Variants in PRKAG2 observed in about 807,000 individuals in gnomAD.
The protein encoded by PRKAG2 is protein kinase AMP-activated non-catalytic subunit gamma 2.
In PRKAG2, 26 loss-of-function variants were observed where a neutral mutation model predicts 69.6. The observed-to-expected ratio is 0.37, with a 90% CI of 0.27 to 0.52. The LOEUF is 0.52. Ranked by LOEUF, PRKAG2 falls within the 20% of genes least tolerant of loss-of-function variation. The probability of loss-of-function intolerance (pLI) is 0.90; values close to 1 mark genes in which losing one functional copy is unlikely to be tolerated. For missense variants in PRKAG2, 557 were observed against 740.0 expected (o/e 0.75, Z 2.87); for synonymous variants, 293 against 285.0 (o/e 1.03, Z -0.28).
At chr7:151,718,613 A>C (rs1346884930) in intron 3 of PRKAG2, among the ~76,000 whole-genome samples, 1 of 85,248 alleles carries the variant, frequency 1.2e-5, no homozygotes, top group Non-Finnish European at 2.0e-5. Flanking sequence ...CCCAGGATGC[A>C]AAAAAAAAAA....
At chr7:151,615,848 A>T (rs1430987775) in intron 5 of PRKAG2, among the ~76,000 whole-genome samples, 1 of 152,258 alleles carries the variant, frequency 6.6e-6, no homozygotes, top group African/African-American at 2.4e-5. Flanking sequence ...AGAAATGCAA[A>T]TCAAAACCCT....
In PRKAG2 at chr7:151,672,848, C is replaced by T. The variant is rs117826889; in HGVS notation, c.684+2572G>A. On this transcript the variant is annotated intron_variant, in intron 4 of 15. Coordinates refer to ENST00000287878, the MANE Select transcript of PRKAG2 (RefSeq NM_016203.4). ...CCAGCCGCGTGCTGGGCACAGGGCACGTGCTCTGGGTCAGCTGCTGAGTAT... is the reference window on the plus strand; with the variant it reads ...CCAGCCGCGTGCTGGGCACAGGGCATGTGCTCTGGGTCAGCTGCTGAGTAT... 3.6e-3 allele frequency among the ~76,000 whole-genome samples: 542 copies of T among 152,222 alleles called. 4 individuals are homozygous for T. The highest frequency in any genetic ancestry group is 6.8e-3 in the Middle Eastern group (2 of 294).
At chr7:151,742,056 G>C (rs1053876555) in intron 3 of PRKAG2, among the ~76,000 whole-genome samples, 1 of 152,212 alleles carries the variant, frequency 6.6e-6, no homozygotes, top group African/African-American at 2.4e-5. Context: ...TTGAATAACT[G>C]AGGGTCAGAG....
intron 3 of PRKAG2, among the ~76,000 whole-genome samples, chr7:151,735,350 A>G (rs796498041): frequency 2.4e-4 from 36 of 152,236 alleles, no homozygotes; most frequent in African/African-American, 7.9e-4. Context: ...CCCTGACCCC[A>G]TCCTCCTGTA....
chr7:151,810,789 G>A (rs2078377979), intron 1 of PRKAG2: 2 of 153,756 alleles, frequency 1.3e-5, no homozygotes, highest in Non-Finnish European at 2.9e-5. Flanking sequence ...CACATACCTT[G>A]CCCACAAAAT....
intron 1 of PRKAG2, among the ~76,000 whole-genome samples, chr7:151,830,116 T>C (rs1362917482): frequency 1.6e-5 from 2 of 123,774 alleles, no homozygotes; most frequent in East Asian, 4.1e-4. Flanking sequence ...CTGTTCCACC[T>C]GGTTTTTTTT....
In PRKAG2 at chr7:151,854,773, G is replaced by A. The variant is rs117180599; in HGVS notation, c.114+21734C>T. ...GCGCCTCCTGTGATTCTCACACAAC[G>A]GCCTCAAGAAGGGAGGCAGCGGGGG... On this transcript the variant is annotated intron_variant, in intron 1 of 15. Transcript: ENST00000287878. Among the ~76,000 whole-genome samples, 727 of 152,218 alleles carry A rather than the reference G, an allele frequency of 4.8e-3. 6 individuals are homozygous for A. The highest frequency in any genetic ancestry group is 7.3e-3 in the Non-Finnish European group (495 of 68,008).
At chr7:151,823,078 C>G (rs1360901095) in intron 1 of PRKAG2, among the ~76,000 whole-genome samples, 1 of 147,014 alleles carries the variant, frequency 6.8e-6, no homozygotes, top group Non-Finnish European at 1.5e-5. Flanking sequence ...GCAGAACCTG[C>G]TCCCTGACCC....
At chr7:151,565,453 T>C (rs1285715138) in intron 12 of PRKAG2, 70 bp from the exon 13 acceptor site, 2 of 1,129,732 alleles carry the variant, frequency 1.8e-6, no homozygotes, top group Non-Finnish European at 2.5e-6. Flanking sequence ...AAATCAGTTT[T>C]AATGACATAA....
At position 151,755,419 on chromosome 7, in the gene PRKAG2, C is replaced by T. The variant is rs1213381128; in HGVS notation, c.466+25733G>A. Among the ~76,000 whole-genome samples, 5 of 152,138 alleles carry T rather than the reference C, an allele frequency of 3.3e-5. No homozygotes were observed. In the East Asian group the frequency reaches 9.7e-4, roughly 29 times the overall value. ...GAGGAAGACAGGGGGTGGGTGTGCA[C>T]AAGACACAGTCAGAGCCAGCCCAGG... On this transcript the variant is annotated intron_variant, in intron 3 of 15. Coordinates refer to ENST00000287878, the MANE Select transcript of PRKAG2 (RefSeq NM_016203.4).
intron 4 of PRKAG2, among the ~76,000 whole-genome samples, chr7:151,656,331 G>A (rs991173650): frequency 7.9e-5 from 12 of 152,182 alleles, no homozygotes; most frequent in African/African-American, 2.7e-4. Flanking sequence ...GAGGTTGGGC[G>A]AATCACCTGA....
chr7:151,855,147 CA>C (rs2079699179), intron 1 of PRKAG2, among the ~76,000 whole-genome samples: 2 of 69,992 alleles, frequency 2.9e-5, no homozygotes, highest in African/African-American at 1.4e-4. Context: ...CACCACCCTA[CA>C]CACACACCAT....
At chr7:151,830,454 C>A (rs1427127258) in intron 1 of PRKAG2, among the ~76,000 whole-genome samples, 16 of 151,924 alleles carry the variant, frequency 1.1e-4, no homozygotes, top group Admixed American at 1.0e-3. Context: ...GGGGTCTGAG[C>A]AGGCTGCACC....
chr7:151,569,725 G>A (rs868463639), intron 10 of PRKAG2, among the ~76,000 whole-genome samples: 1 of 152,176 alleles, frequency 6.6e-6, no homozygotes, highest in African/African-American at 2.4e-5. Flanking sequence ...AAAAAAGGAC[G>A]GGCCAGACGA....
intron 6 of PRKAG2, 103 bp from the exon 7 acceptor site, chr7:151,576,555 C>T (rs1311921990): frequency 3.0e-6 from 3 of 1,006,912 alleles, no homozygotes; most frequent in Non-Finnish European, 4.5e-6. Flanking sequence ...GGCTGGAGTG[C>T]AGTGGCACCA....
In PRKAG2 at chr7:151,807,538, C is replaced by T; in HGVS notation, c.115-20997G>A. On this transcript the variant is annotated intron_variant, in intron 1 of 15. Coordinates refer to ENST00000287878, the MANE Select transcript of PRKAG2 (RefSeq NM_016203.4). This position sits in a 1 kb window ranked among gnomAD's most constrained non-coding sequence, Gnocchi z 4.4. ...CTTCCCAACCTACGAGCTGAAATGG[C>T]CAGCACTGCGCCTTCCAGAACCCAG... 1 of 457,866 alleles carries T rather than the reference C, an allele frequency of 2.2e-6. No individual in the cohort carries two copies. Among genetic ancestry groups the T allele is most frequent in the South Asian group, 1.5e-5 (1 of 64,568 alleles). The allele number at this position is 457,866 out of a possible 1,614,324, so 28.4% of individuals were successfully genotyped here.
At chr7:151,757,289 G>A (rs2075153202) in intron 3 of PRKAG2, among the ~76,000 whole-genome samples, 1 of 152,202 alleles carries the variant, frequency 6.6e-6, no homozygotes. Flanking sequence ...AAGTTGCTGG[G>A]ATATAAAGGA....
At chr7:151,587,989 G>A (rs1269093094) in intron 6 of PRKAG2, among the ~76,000 whole-genome samples, 2 of 151,832 alleles carry the variant, frequency 1.3e-5, no homozygotes, top group Non-Finnish European at 2.9e-5. Context: ...CCATGTTTCT[G>A]TACATCTAAA....
At chr7:151,826,182 TTTG>T (rs1554613787) in intron 1 of PRKAG2, among the ~76,000 whole-genome samples, 1 of 151,302 alleles carries the variant, frequency 6.6e-6, no homozygotes, top group African/African-American at 2.4e-5. Flanking sequence ...CACTTTTTTT[TTTG>T]TTGTTGTTTT....
Sources: allele counts gnomAD v4.1 joint callset (sites outside exome capture counted in the v4.1 genomes callset), GRCh38; gene constraint gnomAD v4.1.1; non-coding constraint Gnocchi (gnomAD v3.1); transcripts MANE v1.5; gene names NCBI Gene and HGNC (gene_info 2026-07-23, HGNC 2026-07-21).